Variants in KIRREL3 observed in about 807,000 individuals in gnomAD.
The protein encoded by KIRREL3 is kin of IRRE-like protein 3.
Under a neutral mutation model 89.7 loss-of-function variants are expected in KIRREL3, and 36 were observed. The ratio of observed to expected loss-of-function variants is 0.40; its 90% confidence interval spans 0.31 to 0.53. The LOEUF is 0.53. Ranked by LOEUF, KIRREL3 falls within the 20% of genes least tolerant of loss-of-function variation. The pLI, the probability that KIRREL3 is intolerant of heterozygous loss-of-function variation, is 0.49. For missense variants in KIRREL3, 864 were observed against 1,056.6 expected, an observed-to-expected ratio of 0.82 and a Z score of 2.53; for synonymous variants, 445 against 441.4, an observed-to-expected ratio of 1.01 and a Z score of -0.10.
At chr11:126,458,260 G>A (rs1448345440) in intron 6 of KIRREL3, among the ~76,000 whole-genome samples, 1 of 152,220 alleles carries the variant, frequency 6.6e-6, no homozygotes, top group Non-Finnish European at 1.5e-5. Flanking sequence ...AGAAAAAGAA[G>A]TAAAGAAACC....
chr11:126,959,010 T>G (rs1325662487), intron 1 of KIRREL3, among the ~76,000 whole-genome samples: 2 of 152,138 alleles, frequency 1.3e-5, no homozygotes, highest in South Asian at 2.1e-4. Flanking sequence ...TTCAATCAGT[T>G]GAAGGCTTGA....
chr11:126,741,172 G>A (rs1948970286), intron 1 of KIRREL3, among the ~76,000 whole-genome samples: 1 of 152,140 alleles, frequency 6.6e-6, no homozygotes, highest in South Asian at 2.1e-4. Flanking sequence ...TTCTTTGTTT[G>A]TGCTTCACCT....
At position 126,995,390 on chromosome 11, in the gene KIRREL3, C is replaced by A. The variant is rs912685475; in HGVS notation, c.55+5065G>T. The stretch of plus-strand genomic sequence containing the variant: ...TGATGAATTAGAACACCCCTCTTCC[C>A]AGGCACAGGACGAGTTCAGTGCCTC... On this transcript the variant is annotated intron_variant, in intron 1 of 16. Transcript: ENST00000525144. The surrounding 1 kb of genome is among the most constrained non-coding windows in gnomAD (Gnocchi z 6.5). 1.1e-5 allele frequency: 5 copies of A among 454,694 alleles called. No individual in the cohort carries two copies. The highest frequency in any genetic ancestry group is 8.0e-5 in the African/African-American group (4 of 50,050). 28.2% of individuals were successfully genotyped at this position (454,694 alleles called of 1,614,324 possible).
chr11:126,517,374 C>A (rs988325359), intron 4 of KIRREL3, among the ~76,000 whole-genome samples: 1 of 152,164 alleles, frequency 6.6e-6, no homozygotes, highest in Non-Finnish European at 1.5e-5. Flanking sequence ...TACTTCCTGG[C>A]CCAGGGCTCT....
intron 1 of KIRREL3, among the ~76,000 whole-genome samples, chr11:126,910,902 T>C (rs1946789331): frequency 6.6e-6 from 1 of 152,220 alleles, no homozygotes; most frequent in Admixed American, 6.5e-5. Context: ...GCAGTGATGC[T>C]GGACTAGACC....
At chr11:126,855,412 C>A in intron 1 of KIRREL3, among the ~76,000 whole-genome samples, 1 of 152,160 alleles carries the variant, frequency 6.6e-6, no homozygotes, top group East Asian at 1.9e-4. Context: ...ATGATTTTAA[C>A]TTTCCTGAGG....
intron 1 of KIRREL3, among the ~76,000 whole-genome samples, chr11:126,730,199 C>A (rs563084220): frequency 5.9e-5 from 9 of 152,338 alleles, no homozygotes; most frequent in Non-Finnish European, 8.8e-5. Context: ...GGCCCTGGCT[C>A]TCAGCCCCGC....
intron 2 of KIRREL3, among the ~76,000 whole-genome samples, chr11:126,547,239 T>A (rs1460241808): frequency 1.3e-5 from 2 of 152,072 alleles, no homozygotes; most frequent in Non-Finnish European, 2.9e-5. Flanking sequence ...GCAGGAAAAA[T>A]GTTTTGTGGT....
chr11:126,897,593 G>T lies in KIRREL3; in HGVS notation c.55+102862C>A, dbSNP rs931069375. ...TGTTTGTATATAGCAGACCATTAGGGTATTTTTATTTCTCTTCTCTCCATG... is the reference window on the plus strand; with the variant it reads ...TGTTTGTATATAGCAGACCATTAGGTTATTTTTATTTCTCTTCTCTCCATG... On this transcript the variant is annotated intron_variant, in intron 1 of 16. Transcript: ENST00000525144. This position sits in a 1 kb window ranked among gnomAD's most constrained non-coding sequence, Gnocchi z 4.2. Among the ~76,000 whole-genome samples the T allele has an allele frequency of 6.6e-6, 1 of 152,028 alleles. No homozygotes were observed. The highest frequency in any genetic ancestry group is 1.5e-5 in the Non-Finnish European group (1 of 67,998).
At chr11:126,533,645 C>G (rs1959008399) in intron 2 of KIRREL3, among the ~76,000 whole-genome samples, 1 of 152,232 alleles carries the variant, frequency 6.6e-6, no homozygotes, top group Non-Finnish European at 1.5e-5. Context: ...CCCTCTCTCC[C>G]TTCACCATTT....
At chr11:126,478,448 T>G (rs1290739502) in intron 4 of KIRREL3, among the ~76,000 whole-genome samples, 1 of 151,116 alleles carries the variant, frequency 6.6e-6, no homozygotes, top group Non-Finnish European at 1.5e-5. Flanking sequence ...GGAGTGGGGA[T>G]GGGGCCGGGG....
chr11:126,787,877 C>G (rs555317686), intron 1 of KIRREL3, among the ~76,000 whole-genome samples: 1 of 152,344 alleles, frequency 6.6e-6, no homozygotes, highest in Admixed American at 6.5e-5. Context: ...CTGCTCTTCA[C>G]CCTGCTTCTT....
rs1048496460 is a variant in KIRREL3 at position 126,566,560 on chromosome 11, G to T, written c.56-3648C>A. On this transcript the variant is annotated intron_variant, in intron 1 of 16. Transcript: ENST00000525144. The surrounding 1 kb of genome is among the most constrained non-coding windows in gnomAD (Gnocchi z 4.9). ...GCTTCACTGTAGCACAATGGGTTTA[G>T]GTTAGCAGAGGTTGGTTGTAGAGTG... Among the ~76,000 whole-genome samples the T allele has an allele frequency of 1.3e-5, 2 of 152,210 alleles. No individual in the cohort carries two copies. Among genetic ancestry groups the T allele is most frequent in the African/African-American group, 2.4e-5 (1 of 41,458 alleles).
In KIRREL3 at chr11:126,703,680, G is replaced by A. The variant is rs917636829; in HGVS notation, c.56-140768C>T. ...AGATGTCTGTTTTCCTGAGGCCCAC[G>A]GGCAGGGGAGGCAGGACTCCTAAGC... On this transcript the variant is annotated intron_variant, in intron 1 of 16. Coordinates refer to ENST00000525144, the MANE Select transcript of KIRREL3 (RefSeq NM_032531.4). The surrounding 1 kb of genome is among the most constrained non-coding windows in gnomAD (Gnocchi z 4.6). 2.6e-5 allele frequency among the ~76,000 whole-genome samples: 4 copies of A among 152,166 alleles called. No individual in the cohort carries two copies. Among genetic ancestry groups the A allele is most frequent in the African/African-American group, 4.8e-5 (2 of 41,436 alleles).
chr11:126,793,125 A>T (rs533919485), intron 1 of KIRREL3, among the ~76,000 whole-genome samples: 1 of 146,574 alleles, frequency 6.8e-6, no homozygotes, highest in African/African-American at 2.6e-5. Context: ...CCCACCTCCA[A>T]TAATGTCTTG....
At chr11:126,464,156 G>A (rs1956640920) in intron 5 of KIRREL3, among the ~76,000 whole-genome samples, 1 of 152,102 alleles carries the variant, frequency 6.6e-6, no homozygotes, top group African/African-American at 2.4e-5. Flanking sequence ...CTCTTGAGAT[G>A]AGGTCATACT....
At chr11:126,613,955 A>T (rs770879369) in intron 1 of KIRREL3, among the ~76,000 whole-genome samples, 1 of 146,860 alleles carries the variant, frequency 6.8e-6, no homozygotes, top group Non-Finnish European at 1.5e-5. Flanking sequence ...ATTTCTAAAC[A>T]GGCCTTGCTG....
rs1468544073 is a variant in KIRREL3 at position 126,526,040 on chromosome 11, GT to G, written c.283+497del. Reference sequence around the variant, plus strand: ...TGGAAATTTATTTTTAATACTTCCTGTCTTTTCTTCCCATCTCATGATGGCT... The same window carrying G: ...TGGAAATTTATTTTTAATACTTCCTGCTTTTCTTCCCATCTCATGATGGCT... On this transcript the variant is annotated intron_variant, in intron 3 of 16. Transcript: ENST00000525144. The surrounding 1 kb of genome is among the most constrained non-coding windows in gnomAD (Gnocchi z 5.7). 6.6e-6 allele frequency among the ~76,000 whole-genome samples: 1 copy of G among 152,174 alleles called. No homozygotes were observed. The highest frequency in any genetic ancestry group is 1.9e-4 in the East Asian group (1 of 5,178).
Position 126,553,865 on chromosome 11 carries a change from A to C in KIRREL3, c.133+8970T>G, listed in dbSNP as rs1221622351. 2.6e-5 allele frequency among the ~76,000 whole-genome samples: 4 copies of C among 152,160 alleles called. No individual in the cohort carries two copies. Among genetic ancestry groups the C allele is most frequent in the African/African-American group, 9.7e-5 (4 of 41,442 alleles). ...ATTTTTTTCCATCACTATTAGGAAA[A>C]CAGCATGCAATTCAGCTCATATGCA... On this transcript the variant is annotated intron_variant, in intron 2 of 16. Coordinates refer to ENST00000525144, the MANE Select transcript of KIRREL3 (RefSeq NM_032531.4). The surrounding 1 kb of genome is among the most constrained non-coding windows in gnomAD (Gnocchi z 4.7).
Sources: gnomAD v4.1 joint callset for allele counts (sites outside exome capture counted in the v4.1 genomes callset) on GRCh38, gnomAD v4.1.1 for gene constraint, Gnocchi (gnomAD v3.1) non-coding constraint, MANE v1.5 for transcripts, NCBI Gene and HGNC (gene_info 2026-07-23, HGNC 2026-07-21) for gene names.